Variants in RNF8 observed in about 807,000 individuals in gnomAD.
The protein encoded by RNF8 is ring finger protein 8, also known as E3 ubiquitin-protein ligase RNF8.
In RNF8, 8 loss-of-function variants were observed where a neutral mutation model predicts 59.3. The observed-to-expected ratio is 0.13, with a 90% CI of 0.08 to 0.24. The LOEUF (loss-of-function observed/expected upper bound fraction) is 0.24. Among genes scored for constraint, RNF8 ranks in the 10% least tolerant of loss-of-function variants. The probability of loss-of-function intolerance (pLI) is 1.00; values close to 1 mark genes in which losing one functional copy is unlikely to be tolerated. For synonymous variants in RNF8, 162 were observed against 200.0 expected (o/e 0.81, Z 1.60); for missense variants, 406 against 572.6 (o/e 0.71, Z 2.97).
At chr6:37,357,023 GCCA>G (rs1769145311) in intron 1 of RNF8, among the ~76,000 whole-genome samples, 1 of 152,234 alleles carries the variant, frequency 6.6e-6, no homozygotes, top group Admixed American at 6.5e-5. Flanking sequence ...ACAGGTGTGA[GCCA>G]CCACACCTGG....
In RNF8 at chr6:37,390,778, T is replaced by C; in HGVS notation, c.*20T>C. 2 of 1,614,104 alleles carry C rather than the reference T, an allele frequency of 1.2e-6. No individual in the cohort carries two copies. Among genetic ancestry groups the C allele is most frequent in the South Asian group, 2.2e-5 (2 of 91,082 alleles). On this transcript the variant is annotated 3_prime_UTR_variant, in exon 8 of 8. Coordinates refer to ENST00000373479, the MANE Select transcript of RNF8 (RefSeq NM_003958.4). ...TTCTGAAGACCGTGCTCTAAGGGCATTTGAAAGACTGCCAGGTAGTGCGAG... is the reference window on the plus strand; with the variant it reads ...TTCTGAAGACCGTGCTCTAAGGGCACTTGAAAGACTGCCAGGTAGTGCGAG...
chr6:37,357,198 T>C (rs372119467), intron 1 of RNF8, among the ~76,000 whole-genome samples: 6 of 152,334 alleles, frequency 3.9e-5, no homozygotes, highest in African/African-American at 1.4e-4. Context: ...CCCTCACATA[T>C]GGGTCGTCAG....
At chr6:37,363,181 T>TA (rs1303293402) in intron 2 of RNF8, among the ~76,000 whole-genome samples, 4 of 152,216 alleles carry the variant, frequency 2.6e-5, no homozygotes, top group Non-Finnish European at 4.4e-5. Flanking sequence ...AGTGTACTCT[T>TA]ACGTGAACAA....
chr6:37,385,070 A>G (rs924238091), intron 7 of RNF8, among the ~76,000 whole-genome samples: 1 of 151,580 alleles, frequency 6.6e-6, no homozygotes, highest in Non-Finnish European at 1.5e-5. Flanking sequence ...CTGGAGTGCA[A>G]TGGCGCGATC....
At chr6:37,358,981 C>T (rs1769217685) in intron 1 of RNF8, among the ~76,000 whole-genome samples, 1 of 152,024 alleles carries the variant, frequency 6.6e-6, no homozygotes, top group Non-Finnish European at 1.5e-5. Context: ...CCTGTAATCC[C>T]AGCTACGTGG....
At chr6:37,378,966 C>G (rs144155790) in intron 6 of RNF8, among the ~76,000 whole-genome samples, 9 of 152,244 alleles carry the variant, frequency 5.9e-5, no homozygotes, top group Non-Finnish European at 1.3e-4. Context: ...ATCTACTCTA[C>G]TGGTCACCTC....
chr6:37,387,624 G>T (rs531878028), intron 7 of RNF8, among the ~76,000 whole-genome samples: 1 of 152,214 alleles, frequency 6.6e-6, no homozygotes, highest in Non-Finnish European at 1.5e-5. Context: ...TTATAGGCAT[G>T]CGCCACCACG....
chr6:37,391,044 GT>G lies in RNF8; in HGVS notation c.*295del, dbSNP rs777715426. 2.3e-4 allele frequency: 128 copies of G among 546,464 alleles called. 3 individuals are homozygous for G. In the East Asian group the frequency reaches 3.3e-3, roughly 14 times the overall value. 33.9% of individuals were successfully genotyped at this position (546,464 alleles called of 1,614,324 possible). The stretch of plus-strand genomic sequence containing the variant: ...GAAAGAGTTATTTGAGTTCTCTTCT[GT>G]TTTTTTTTAATTTGTTGTTGTTGTT... On this transcript the variant is annotated 3_prime_UTR_variant, in exon 8 of 8. Transcript: ENST00000373479.
At chr6:37,389,168 A>G (rs1009334978) in intron 7 of RNF8, among the ~76,000 whole-genome samples, 1 of 152,158 alleles carries the variant, frequency 6.6e-6, no homozygotes, top group African/African-American at 2.4e-5. Context: ...GGCACATGGT[A>G]GCTCTTCAGT....
rs1167503122 is a variant in RNF8, at chr6:37,394,290, TC to T, written c.*3534del. 4 of 152,232 alleles carry T rather than the reference TC, an allele frequency of 2.6e-5. No individual in the cohort carries two copies. Among genetic ancestry groups the T allele is most frequent in the Admixed American group, 1.3e-4 (2 of 15,276 alleles). 9.4% of individuals were successfully genotyped at this position (152,232 alleles called of 1,614,324 possible). On this transcript the variant is annotated 3_prime_UTR_variant, in exon 8 of 8. Coordinates refer to ENST00000373479, the MANE Select transcript of RNF8 (RefSeq NM_003958.4). Reference sequence around the variant, plus strand: ...TTAGCTTCATTCAGAGAAAGAAACTTCCTACCTGGTCAGCTTTTTCAGCTTC... The same window carrying T: ...TTAGCTTCATTCAGAGAAAGAAACTTCTACCTGGTCAGCTTTTTCAGCTTC...
In RNF8 at chr6:37,360,467, G is replaced by A. The variant is rs1486500187; in HGVS notation, c.133G>A (p.Gly45Ser). 6.2e-7 allele frequency: 1 copy of A among 1,613,838 alleles called. No individual in the cohort carries two copies. The highest frequency in any genetic ancestry group is 2.2e-5 in the East Asian group (1 of 44,868). ...GCEVTVGRGF[G>S]VTYQLVSKIC... ...CCAGGTGACTGTAGGACGAGGATTT[G>A]GTGTCACATACCAACTGGTATCAAA... The change falls in exon 2 of 8, where the codon GGT (glycine) becomes AGT (serine). Residue 45 changes from glycine to serine, a missense_variant. Gly to Ser is a moderately conservative substitution (Grantham distance 56). Around this residue, in one of 3 missense-constraint regions of RNF8, gnomAD observed 62 missense variants for 112.2 expected, o/e 0.55. Coordinates refer to ENST00000373479, the MANE Select transcript of RNF8 (RefSeq NM_003958.4). This position sits in a 1 kb window ranked among gnomAD's most constrained non-coding sequence, Gnocchi z 4.2.
chr6:37,381,969 T>TA (rs1770285144), intron 7 of RNF8, among the ~76,000 whole-genome samples: 1 of 152,208 alleles, frequency 6.6e-6, no homozygotes, highest in African/African-American at 2.4e-5. Context: ...ACCACTTTAC[T>TA]AACAGCTGTA....
intron 7 of RNF8, among the ~76,000 whole-genome samples, chr6:37,382,661 A>G (rs1439730928): frequency 6.6e-6 from 1 of 152,114 alleles, no homozygotes; most frequent in Admixed American, 6.5e-5. Flanking sequence ...CAATCTAAGC[A>G]TGGCAAATGG....
intron 6 of RNF8, 22 bp from the exon 7 acceptor site, chr6:37,381,128 T>C (rs1388549408): frequency 6.3e-6 from 10 of 1,599,392 alleles, no homozygotes; most frequent in Non-Finnish European, 8.6e-6. Context: ...TTCTGATATG[T>C]GTGTCCACAT....
chr6:37,371,049 C>T (rs1769779708), intron 3 of RNF8, among the ~76,000 whole-genome samples: 1 of 151,940 alleles, frequency 6.6e-6, no homozygotes, highest in African/African-American at 2.4e-5. Context: ...AGAGGAGGAG[C>T]AGAGGAGCAG....
chr6:37,355,210 G>C (rs1217933466), intron 1 of RNF8, among the ~76,000 whole-genome samples: 1 of 152,182 alleles, frequency 6.6e-6, no homozygotes, highest in South Asian at 2.1e-4. Context: ...TTGAGAAGGA[G>C]AACTGGGTCA....
intron 1 of RNF8, among the ~76,000 whole-genome samples, chr6:37,354,729 C>T (rs1182156822): frequency 2.1e-5 from 2 of 97,036 alleles, no homozygotes; most frequent in East Asian, 6.2e-4. Context: ...GAGGGGAGGG[C>T]GGGGGCTGGC....
chr6:37,387,023 C>T (rs773779679), intron 7 of RNF8, among the ~76,000 whole-genome samples: 35 of 152,168 alleles, frequency 2.3e-4, no homozygotes, highest in Non-Finnish European at 4.9e-4. Context: ...AGAGTAGCGT[C>T]ATTAACCAAA....
intron 7 of RNF8, among the ~76,000 whole-genome samples, chr6:37,389,109 G>A (rs150480832): frequency 1.3e-5 from 2 of 152,244 alleles, no homozygotes; most frequent in Admixed American, 1.3e-4. Flanking sequence ...TTGAGGGCAG[G>A]AATTTTATCT....
Sources: gnomAD v4.1 joint callset for allele counts (sites outside exome capture counted in the v4.1 genomes callset) on GRCh38, gnomAD v4.1.1 for gene constraint, gnomAD v4.1.1 regional missense constraint, Gnocchi (gnomAD v3.1) non-coding constraint, MANE v1.5 for transcripts, NCBI Gene and HGNC (gene_info 2026-07-23, HGNC 2026-07-21) for gene names.